The following SEMA6A variants were observed in gnomAD, a reference collection of about 807,000 sequenced individuals.
SEMA6A encodes the protein semaphorin-6A.
Under a neutral mutation model 96.8 loss-of-function variants are expected in SEMA6A, and 25 were observed. The observed-to-expected ratio is 0.26, with a 90% confidence interval of 0.19 to 0.36. The LOEUF (loss-of-function observed/expected upper bound fraction) is 0.36, where lower values mean the gene tolerates loss of function less well. Among genes scored for constraint, SEMA6A ranks in the 10% least tolerant of loss-of-function variants. The pLI is 1.00. For synonymous variants in SEMA6A, 612 were observed against 518.0 expected (o/e 1.18, Z -2.46); for missense variants, 1,363 against 1,323.1 (o/e 1.03, Z -0.47).
At chr5:116,480,037 A>G in intron 12 of SEMA6A, 85 bp downstream of exon 12, 1 of 1,491,366 alleles carries the variant, frequency 6.7e-7, no homozygotes, top group Non-Finnish European at 9.2e-7. Flanking sequence ...TGTTTGTGGC[A>G]TTTCAAAGCA....
chr5:116,481,460 A>G (rs561607362), intron 11 of SEMA6A, among the ~76,000 whole-genome samples: 2 of 152,332 alleles, frequency 1.3e-5, no homozygotes, highest in Admixed American at 1.3e-4. Flanking sequence ...AATTCAGGTA[A>G]TGAAGATGGA....
At position 116,501,104 on chromosome 5, in the gene SEMA6A, T is replaced by C. The variant is rs141058606; in HGVS notation, c.218+1106A>G. On this transcript the variant is annotated intron_variant, in intron 3 of 18. Transcript: ENST00000343348. Reference sequence around the variant, plus strand: ...GACCACAGGGGACACTACAAGATAGTGCTCCATGTTGCTGTTCATTTGGAA... The same window carrying C: ...GACCACAGGGGACACTACAAGATAGCGCTCCATGTTGCTGTTCATTTGGAA... 7.5e-3 allele frequency among the ~76,000 whole-genome samples: 1,142 copies of C among 152,304 alleles called. 13 individuals are homozygous for C. Among genetic ancestry groups the C allele is most frequent in the African/African-American group, 0.026 (1,076 of 41,566 alleles).
intron 1 of SEMA6A, among the ~76,000 whole-genome samples, chr5:116,548,179 C>T (rs1361402143): frequency 2.0e-5 from 3 of 152,204 alleles, no homozygotes; most frequent in East Asian, 1.9e-4. Context: ...CCTTCCTTGA[C>T]GGCTTTCTTC....
chr5:116,466,090 G>C, intron 18 of SEMA6A, among the ~76,000 whole-genome samples: 1 of 148,134 alleles, frequency 6.8e-6, no homozygotes, highest in East Asian at 2.0e-4. Flanking sequence ...AAAAGATTTG[G>C]CCGGGAGCAG....
chr5:116,502,403 G>A (rs1217013752), intron 2 of SEMA6A, 76 bp from the exon 3 acceptor site: 3 of 1,255,630 alleles, frequency 2.4e-6, no homozygotes, highest in Non-Finnish European at 2.3e-6. Context: ...AGGGGAGGGA[G>A]ACAGGTCACA....
chr5:116,509,380 CAT>C (rs917586140), intron 1 of SEMA6A, among the ~76,000 whole-genome samples: 2 of 152,170 alleles, frequency 1.3e-5, no homozygotes, highest in African/African-American at 2.4e-5. Context: ...TTTCTAATAT[CAT>C]ATGAAGTTTT....
chr5:116,566,093 G>A (rs567182837), intron 1 of SEMA6A, among the ~76,000 whole-genome samples: 10 of 152,096 alleles, frequency 6.6e-5, no homozygotes, highest in Admixed American at 2.0e-4. Context: ...TTATTTCTTC[G>A]TAGTCTCTAA....
At chr5:116,471,456 TG>T (rs1756139849) in intron 17 of SEMA6A, 1 of 152,192 alleles carries the variant, frequency 6.6e-6, no homozygotes, top group African/African-American at 2.4e-5. Flanking sequence ...TCTCAAAATC[TG>T]ATGAAGACTA....
At chr5:116,480,356 T>A in intron 11 of SEMA6A, 79 bp from the exon 12 acceptor site, 1 of 1,539,084 alleles carries the variant, frequency 6.5e-7, no homozygotes, top group Non-Finnish European at 8.9e-7. Flanking sequence ...ACTGCTTCTC[T>A]AAGCATCTGG....
At chr5:116,496,371 G>T in intron 4 of SEMA6A, 58 bp from the exon 5 acceptor site, 1 of 1,481,896 alleles carries the variant, frequency 6.7e-7, no homozygotes, top group Non-Finnish European at 9.4e-7. Flanking sequence ...TTTGATTTTA[G>T]AAGTAAGAGT....
intron 18 of SEMA6A, among the ~76,000 whole-genome samples, chr5:116,456,794 G>T (rs73270735): frequency 0.035 from 5,287 of 152,224 alleles, 305 homozygotes; most frequent in African/African-American, 0.12. Flanking sequence ...GGACAGAGTG[G>T]CTTCCTTTAA....
intron 11 of SEMA6A, 67 bp from the exon 12 acceptor site, chr5:116,480,344 GA>G: frequency 6.3e-7 from 1 of 1,575,482 alleles, no homozygotes; most frequent in Middle Eastern, 1.7e-4. Context: ...TTCTTTGAAT[GA>G]ACTGCTTCTC....
chr5:116,561,118 C>T (rs1760803549), intron 1 of SEMA6A, among the ~76,000 whole-genome samples: 1 of 152,180 alleles, frequency 6.6e-6, no homozygotes, highest in African/African-American at 2.4e-5. Flanking sequence ...TACTTGACCT[C>T]TTTGAACCTG....
At position 116,516,392 on chromosome 5, in the gene SEMA6A, G is replaced by A. The variant is rs577646654; in HGVS notation, c.-38-11410C>T. On this transcript the variant is annotated intron_variant, in intron 1 of 18. Transcript: ENST00000343348. Reference sequence around the variant, plus strand: ...CCACATTTTTGGGGAAATTCATTTCGTTTATCCGAAAAAAGCCTGCTTTAT... The same window carrying A: ...CCACATTTTTGGGGAAATTCATTTCATTTATCCGAAAAAAGCCTGCTTTAT... 1.1e-4 allele frequency among the ~76,000 whole-genome samples: 16 copies of A among 151,856 alleles called. No homozygotes were observed. The South Asian group carries it at 1.5e-3, about 14-fold the overall frequency.
intron 1 of SEMA6A, among the ~76,000 whole-genome samples, chr5:116,567,732 C>T (rs1331700679): frequency 3.9e-5 from 6 of 152,194 alleles, no homozygotes; most frequent in East Asian, 1.9e-4. Context: ...TTCCCTCCAA[C>T]GGTCCCTTCA....
intron 1 of SEMA6A, chr5:116,562,884 G>T: frequency 3.2e-6 from 2 of 626,014 alleles, no homozygotes. Context: ...AAGACTCCTG[G>T]ACCTGGGGCC....
At chr5:116,502,187 G>T in intron 3 of SEMA6A, 23 bp downstream of exon 3, 1 of 1,592,696 alleles carries the variant, frequency 6.3e-7, no homozygotes, top group South Asian at 1.1e-5. Flanking sequence ...TCTCAAGGCA[G>T]ACATGGGGAA....
rs1248550332 is a variant in SEMA6A at position 116,447,214 on chromosome 5, T to A, written c.2492A>T (p.Asp831Val). Reference sequence around the variant, plus strand: ...GGCCACCTCGCTCATTTTGGGCTGGTCCACGTACTCATGCTGGTAGCCCTG... The same window carrying A: ...GGCCACCTCGCTCATTTTGGGCTGGACCACGTACTCATGCTGGTAGCCCTG... ...TQQGYQHEYV[D>V]QPKMSEVAQM... is the part of the protein sequence containing the mutation. The change falls in exon 19 of 19, where the codon GAC becomes GTC. Residue 831 changes from aspartate to valine, a missense_variant. Around this residue, in one of 2 missense-constraint regions of SEMA6A, gnomAD observed 883 missense variants for 763.6 expected, o/e 1.16. Transcript: ENST00000343348. The A allele has an allele frequency of 6.2e-7, 1 of 1,613,932 alleles. No homozygotes were observed. The highest frequency in any genetic ancestry group is 2.2e-5 in the East Asian group (1 of 44,880).
rs74761056 is a variant in SEMA6A, at chr5:116,527,968, A to G, written c.-38-22986T>C. Among the ~76,000 whole-genome samples the G allele has an allele frequency of 4.0e-3, 603 of 152,334 alleles. 1 individual carries two copies. Among genetic ancestry groups the G allele is most frequent in the Admixed American group, 6.5e-3 (99 of 15,294 alleles). On this transcript the variant is annotated intron_variant, in intron 1 of 18. Coordinates refer to ENST00000343348, the MANE Select transcript of SEMA6A (RefSeq NM_020796.5). ...AATTAGAGAACCAAACAAAGGAAGG[A>G]AAACAATACAGGTTTTTCCTTAATT...
Sources: allele counts gnomAD v4.1 joint callset (sites outside exome capture counted in the v4.1 genomes callset), GRCh38; gene constraint gnomAD v4.1.1; regional missense constraint gnomAD v4.1.1; transcripts MANE v1.5; gene names NCBI Gene and HGNC (gene_info 2026-07-23, HGNC 2026-07-21).